The following ARMC9 variants were observed in gnomAD, a reference collection of about 807,000 sequenced individuals.
ARMC9 encodes the protein lisH domain-containing protein ARMC9.
A neutral mutation model predicts 107.0 loss-of-function variants in ARMC9; 94 were observed. The ratio of observed to expected loss-of-function variants is 0.88; its 90% confidence interval spans 0.74 to 1.04. The LOEUF is 1.04. Ranked by LOEUF, ARMC9 falls within the 50% of genes least tolerant of loss-of-function variation. The pLI, the probability that ARMC9 is intolerant of heterozygous loss-of-function variation, is 0.00. For synonymous variants in ARMC9, 380 were observed against 396.9 expected, an observed-to-expected ratio of 0.96 and a Z score of 0.51; for missense variants, 942 against 1,030.1, an observed-to-expected ratio of 0.91 and a Z score of 1.17.
intron 14 of ARMC9, among the ~76,000 whole-genome samples, chr2:231,275,913 A>G (rs1259199587): frequency 2.0e-5 from 3 of 152,210 alleles, no homozygotes; most frequent in South Asian, 2.1e-4. Context: ...AGATCGTGCC[A>G]TTGCACTCCA....
At chr2:231,329,401 C>T (rs2043566154) in intron 19 of ARMC9, among the ~76,000 whole-genome samples, 1 of 152,082 alleles carries the variant, frequency 6.6e-6, no homozygotes, top group African/African-American at 2.4e-5. Context: ...ACCTCCGCCT[C>T]CTGGGTTCAA....
chr2:231,371,642 G>A lies in ARMC9; in HGVS notation c.*107G>A, dbSNP rs2046024044. 1 of 1,122,564 alleles carries A rather than the reference G, an allele frequency of 8.9e-7. No individual in the cohort carries two copies. 69.5% of individuals were successfully genotyped at this position (1,122,564 alleles called of 1,614,324 possible). A position where few individuals can be genotyped will look rare whatever the true frequency, so the allele number is the denominator to read the frequency against. ...GATGTGAAGGGACAGTTGTCCACAA[G>A]ACTCTGGGAGCTGAGGGGAGGCCGG... On this transcript the variant is annotated 3_prime_UTR_variant, in exon 25 of 25. Coordinates refer to ENST00000611582, the MANE Select transcript of ARMC9 (RefSeq NM_001352754.2).
intron 19 of ARMC9, among the ~76,000 whole-genome samples, chr2:231,302,565 C>G (rs114698631): frequency 0.011 from 1,710 of 150,568 alleles, 28 homozygotes; most frequent in African/African-American, 0.04. Context: ...AATCTAGCCT[C>G]ACACACCTGT....
intron 21 of ARMC9, among the ~76,000 whole-genome samples, chr2:231,350,316 G>T (rs1445809074): frequency 1.3e-5 from 2 of 152,056 alleles, no homozygotes; most frequent in African/African-American, 2.4e-5. Context: ...GTGAGCCACT[G>T]TGCCTGGCCT....
chr2:231,366,541 T>C (rs955548410), intron 23 of ARMC9, among the ~76,000 whole-genome samples: 1 of 151,806 alleles, frequency 6.6e-6, no homozygotes, highest in African/African-American at 2.4e-5. Flanking sequence ...TCTAAAAAAA[T>C]AATAAAATTT....
chr2:231,219,606 A>T (rs1252881787), intron 5 of ARMC9, among the ~76,000 whole-genome samples: 1 of 152,094 alleles, frequency 6.6e-6, no homozygotes, highest in Non-Finnish European at 1.5e-5. Flanking sequence ...GTTTCTAGGG[A>T]TAGATTTCTA....
chr2:231,359,561 G>A (rs1418636343), intron 22 of ARMC9, among the ~76,000 whole-genome samples: 1 of 152,170 alleles, frequency 6.6e-6, no homozygotes, highest in Non-Finnish European at 1.5e-5. Flanking sequence ...CCCCTGGGAA[G>A]CTCCTGGTCC....
At chr2:231,223,363 A>C (rs1298340169) in intron 6 of ARMC9, among the ~76,000 whole-genome samples, 2 of 152,184 alleles carry the variant, frequency 1.3e-5, no homozygotes, top group Non-Finnish European at 2.9e-5. Context: ...TGAAAGTAAA[A>C]AGGGGCACTA....
intron 9 of ARMC9, among the ~76,000 whole-genome samples, chr2:231,250,645 G>C (rs776200524): frequency 6.6e-6 from 1 of 152,186 alleles, no homozygotes; most frequent in Non-Finnish European, 1.5e-5. Flanking sequence ...CTTGGAGGAT[G>C]GGGGGTGAAG....
chr2:231,276,274 C>CTT (rs577847028), intron 14 of ARMC9, among the ~76,000 whole-genome samples: 4 of 143,316 alleles, frequency 2.8e-5, no homozygotes, highest in Non-Finnish European at 4.6e-5. Flanking sequence ...ACTGTTTCTT[C>CTT]TTTTTTTTTT....
chr2:231,375,991 T>C lies in ARMC9; in HGVS notation c.*4456T>C, dbSNP rs2046185356. Among the ~76,000 whole-genome samples the C allele has an allele frequency of 6.6e-6, 1 of 152,260 alleles. No homozygotes were observed. Among genetic ancestry groups the C allele is most frequent in the African/African-American group, 2.4e-5 (1 of 41,470 alleles). On this transcript the variant is annotated 3_prime_UTR_variant, in exon 25 of 25. Transcript: ENST00000611582. This position sits in a 1 kb window ranked among gnomAD's most constrained non-coding sequence, Gnocchi z 4.3. ...AAATTAATACTTTTGTAATTTCTTA[T>C]GCCTGTCTTTACTACAGTCTCTAAA...
chr2:231,221,666 C>CAAAA (rs535605605), intron 5 of ARMC9, among the ~76,000 whole-genome samples: 3 of 134,572 alleles, frequency 2.2e-5, no homozygotes, highest in African/African-American at 8.2e-5. Flanking sequence ...CCGTCTCTAC[C>CAAAA]AAAAAAAAAA....
intron 21 of ARMC9, among the ~76,000 whole-genome samples, chr2:231,352,862 T>G (rs1345687490): frequency 8.0e-6 from 1 of 125,612 alleles, no homozygotes. Context: ...GCGCGGGGGC[T>G]CACACCAGCC....
rs1236992076 is a variant in ARMC9, at chr2:231,203,636, C to G, written c.-41-2562C>G. 2.0e-5 allele frequency among the ~76,000 whole-genome samples: 3 copies of G among 152,010 alleles called. No homozygotes were observed. The East Asian group carries it at 5.8e-4, about 29-fold the overall frequency. On this transcript the variant is annotated intron_variant, in intron 1 of 24. Transcript: ENST00000611582. ...GAGGATTGAGCCCAGGAGTTCAAGA[C>G]CAGCCTGAGCAATGGTGAAATCCTG...
At chr2:231,365,320 G>T (rs955890223) in intron 23 of ARMC9, among the ~76,000 whole-genome samples, 3 of 152,190 alleles carry the variant, frequency 2.0e-5, no homozygotes, top group East Asian at 3.8e-4. Flanking sequence ...AGAGCAGCCT[G>T]GCCCTTATAT....
intron 19 of ARMC9, among the ~76,000 whole-genome samples, chr2:231,306,898 A>G (rs967428313): frequency 6.6e-6 from 1 of 152,196 alleles, no homozygotes; most frequent in Non-Finnish European, 1.5e-5. Context: ...TTATAATCTT[A>G]TTCTTCCTTC....
chr2:231,350,129 G>A (rs1384610950), intron 21 of ARMC9, among the ~76,000 whole-genome samples: 9 of 151,858 alleles, frequency 5.9e-5, no homozygotes, highest in Non-Finnish European at 1.0e-4. Flanking sequence ...AGGTTCAAGC[G>A]ATTCTCCTGC....
chr2:231,218,671 A>AT (rs1277402667), intron 5 of ARMC9, among the ~76,000 whole-genome samples: 1 of 151,612 alleles, frequency 6.6e-6, no homozygotes, highest in Non-Finnish European at 1.5e-5. Context: ...ATTTTATTCC[A>AT]TTTTTTTCTT....
Position 231,371,579 on chromosome 2 carries a change from A to G in ARMC9, c.*44A>G. 1 of 1,233,966 alleles carries G rather than the reference A, an allele frequency of 8.1e-7. No individual in the cohort carries two copies. The highest frequency in any genetic ancestry group is 4.2e-5 in the Admixed American group (1 of 23,840). 76.4% of individuals were successfully genotyped at this position (1,233,966 alleles called of 1,614,324 possible). ...CCATCACGTTGCCGGAGGACCAGCCAGCTTCCCGCTCTCAGCTGGCAGCAG... is the reference window on the plus strand; with the variant it reads ...CCATCACGTTGCCGGAGGACCAGCCGGCTTCCCGCTCTCAGCTGGCAGCAG... On this transcript the variant is annotated 3_prime_UTR_variant, in exon 25 of 25. Coordinates refer to ENST00000611582, the MANE Select transcript of ARMC9 (RefSeq NM_001352754.2).
Sources: allele counts gnomAD v4.1 joint callset (sites outside exome capture counted in the v4.1 genomes callset), GRCh38; gene constraint gnomAD v4.1.1; non-coding constraint Gnocchi (gnomAD v3.1); transcripts MANE v1.5; gene names NCBI Gene and HGNC (gene_info 2026-07-23, HGNC 2026-07-21).